The following MSRB3 variants were observed in gnomAD, a reference collection of about 807,000 sequenced individuals.
The protein encoded by MSRB3 is methionine sulfoxide reductase B3, also known as methionine-R-sulfoxide reductase B3.
MSRB3 carries 13 observed loss-of-function variants against 21.0 expected under a neutral mutation model. That is an observed-to-expected ratio of 0.62 (90% CI 0.40 to 0.98). The LOEUF (loss-of-function observed/expected upper bound fraction) is 0.98, where lower values mean the gene tolerates loss of function less well. MSRB3 is among the 50% of genes least tolerant of loss of function. MSRB3 has a pLI of 0.00. For synonymous variants in MSRB3, 87 were observed against 88.6 expected, an observed-to-expected ratio of 0.98 and a Z score of 0.10; for missense variants, 199 against 230.3, an observed-to-expected ratio of 0.86 and a Z score of 0.88.
intron 6 of MSRB3, among the ~76,000 whole-genome samples, chr12:65,461,708 G>A (rs1358305094): frequency 1.3e-5 from 2 of 152,090 alleles, no homozygotes; most frequent in Non-Finnish European, 2.9e-5. Flanking sequence ...CTCATCCCCA[G>A]TCCCTTGTGA....
chr12:65,320,850 AT>A (rs1874616886), intron 2 of MSRB3, among the ~76,000 whole-genome samples: 1 of 152,020 alleles, frequency 6.6e-6, no homozygotes, highest in African/African-American at 2.4e-5. Flanking sequence ...TTGCTTATCT[AT>A]TCATATTCAG....
intron 4 of MSRB3, among the ~76,000 whole-genome samples, chr12:65,329,886 T>C (rs1324011338): frequency 6.6e-6 from 1 of 152,218 alleles, no homozygotes. Context: ...ACATTACCAT[T>C]GGTTGAGAAT....
chr12:65,297,349 C>A (rs1873036215), intron 1 of MSRB3, among the ~76,000 whole-genome samples: 1 of 152,142 alleles, frequency 6.6e-6, no homozygotes, highest in African/African-American at 2.4e-5. Flanking sequence ...TAAACCTGCA[C>A]ATCCTGCACA....
At chr12:65,454,679 C>A (rs1388843266) in intron 6 of MSRB3, among the ~76,000 whole-genome samples, 1 of 152,206 alleles carries the variant, frequency 6.6e-6, no homozygotes, top group Non-Finnish European at 1.5e-5. Flanking sequence ...TCCTTTTCTG[C>A]TTCTCCTGAT....
chr12:65,341,139 A>G (rs1169836955), intron 4 of MSRB3, among the ~76,000 whole-genome samples: 1 of 152,174 alleles, frequency 6.6e-6, no homozygotes, highest in Non-Finnish European at 1.5e-5. Flanking sequence ...CACAATAGCC[A>G]AGATTTGGGA....
intron 4 of MSRB3, among the ~76,000 whole-genome samples, chr12:65,340,987 G>A (rs1439889640): frequency 6.6e-6 from 1 of 151,890 alleles, no homozygotes; most frequent in Non-Finnish European, 1.5e-5. Context: ...AAAGAAAATA[G>A]AATAAATCTT....
intron 5 of MSRB3, among the ~76,000 whole-genome samples, chr12:65,410,992 G>A (rs992513526): frequency 1.3e-5 from 2 of 151,900 alleles, no homozygotes; most frequent in South Asian, 2.1e-4. Context: ...ATGGGGTAGC[G>A]TATTTGATAT....
At chr12:65,342,295 T>C (rs1003533215) in intron 4 of MSRB3, among the ~76,000 whole-genome samples, 1 of 150,952 alleles carries the variant, frequency 6.6e-6, no homozygotes, top group Admixed American at 6.6e-5. Flanking sequence ...TCAAAATCAA[T>C]TGAGAAAGAC....
chr12:65,311,076 A>G (rs1873956656), intron 2 of MSRB3, among the ~76,000 whole-genome samples: 1 of 152,152 alleles, frequency 6.6e-6, no homozygotes, highest in Non-Finnish European at 1.5e-5. Flanking sequence ...AAACTTTTAA[A>G]CATGTCCTAT....
At chr12:65,343,222 A>G (rs1250208664) in intron 4 of MSRB3, among the ~76,000 whole-genome samples, 1 of 152,102 alleles carries the variant, frequency 6.6e-6, no homozygotes, top group Non-Finnish European at 1.5e-5. Context: ...TTGCCCATCT[A>G]CTCACATTCG....
chr12:65,376,246 A>C (rs1878613403), intron 5 of MSRB3, among the ~76,000 whole-genome samples: 1 of 151,516 alleles, frequency 6.6e-6, no homozygotes, highest in Admixed American at 6.6e-5. Flanking sequence ...CAGCCTCCCG[A>C]GTAGCTGGGA....
intron 4 of MSRB3, among the ~76,000 whole-genome samples, chr12:65,332,974 T>C (rs1235684436): frequency 6.6e-6 from 1 of 152,242 alleles, no homozygotes. Flanking sequence ...AGTTTATTTC[T>C]CATATAGTAC....
intron 6 of MSRB3, chr12:65,454,317 A>ATAAT (rs1352748992): frequency 1.3e-5 from 2 of 151,956 alleles, no homozygotes; most frequent in African/African-American, 2.4e-5. Flanking sequence ...AAATAAATAA[A>ATAAT]TAAATAAATA....
intron 1 of MSRB3, among the ~76,000 whole-genome samples, chr12:65,291,073 A>G (rs919175478): frequency 4.0e-5 from 6 of 151,572 alleles, no homozygotes; most frequent in Admixed American, 6.6e-5. Context: ...TTTTTCCTGT[A>G]TTCTGTGGCT....
chr12:65,365,159 A>T (rs534393879), intron 4 of MSRB3, among the ~76,000 whole-genome samples: 1 of 151,622 alleles, frequency 6.6e-6, no homozygotes, highest in Non-Finnish European at 1.5e-5. Flanking sequence ...TAATATACAG[A>T]TTCATTTGTT....
chr12:65,286,593 A>G (rs1395369580), intron 1 of MSRB3: 1 of 152,100 alleles, frequency 6.6e-6, no homozygotes, highest in African/African-American at 2.4e-5. Context: ...TATAAATTAC[A>G]TAACAAATCC....
At chr12:65,312,368 G>A (rs1429283125) in intron 2 of MSRB3, among the ~76,000 whole-genome samples, 1 of 151,942 alleles carries the variant, frequency 6.6e-6, no homozygotes, top group Non-Finnish European at 1.5e-5. Context: ...TCTTAATCAA[G>A]ACTGAAGCAT....
At chr12:65,331,724 A>G (rs927649280) in intron 4 of MSRB3, among the ~76,000 whole-genome samples, 2 of 152,242 alleles carry the variant, frequency 1.3e-5, no homozygotes, top group Non-Finnish European at 2.9e-5. Context: ...GCTGGAAAGC[A>G]GAGTATGCTA....
intron 4 of MSRB3, 34 bp downstream of exon 4, chr12:65,328,637 A>G (rs757241659): frequency 1.2e-5 from 16 of 1,380,240 alleles, no homozygotes; most frequent in Middle Eastern, 3.6e-4. Context: ...GTATGGCTGT[A>G]TCATAGATGG....
Sources: gnomAD v4.1 joint callset for allele counts (sites outside exome capture counted in the v4.1 genomes callset) on GRCh38, gnomAD v4.1.1 for gene constraint, MANE v1.5 for transcripts, NCBI Gene and HGNC (gene_info 2026-07-23, HGNC 2026-07-21) for gene names.